PACRG: variants seen among roughly 807,000 people sequenced by gnomAD.
PACRG encodes parkin coregulated gene protein.
PACRG carries 29 observed loss-of-function variants against 29.7 expected under a neutral mutation model. That is an observed-to-expected ratio of 0.98 (90% CI 0.73 to 1.33). The LOEUF (loss-of-function observed/expected upper bound fraction) is 1.33. PACRG is among the 40% of genes most tolerant of loss of function. The pLI is 0.00. For synonymous variants in PACRG, 116 were observed against 118.7 expected, an observed-to-expected ratio of 0.98 and a Z score of 0.15; for missense variants, 279 against 316.2, an observed-to-expected ratio of 0.88 and a Z score of 0.89.
At chr6:162,814,117 C>T in intron 1 of PACRG, 30 bp from the exon 2 acceptor site, 1 of 1,589,538 alleles carries the variant, frequency 6.3e-7, no homozygotes, top group Non-Finnish European at 8.5e-7. Flanking sequence ...GTCTTAAAAC[C>T]TGATCCCTAT....
At chr6:163,074,410 G>A (rs1410283823) in intron 3 of PACRG, among the ~76,000 whole-genome samples, 3 of 152,122 alleles carry the variant, frequency 2.0e-5, no homozygotes, top group Non-Finnish European at 4.4e-5. Context: ...GTAGAAGGAT[G>A]GTTACCAGAT....
intron 4 of PACRG, among the ~76,000 whole-genome samples, chr6:163,304,682 G>A (rs1785130105): frequency 6.6e-6 from 1 of 152,208 alleles, no homozygotes; most frequent in African/African-American, 2.4e-5. Context: ...TTACCAGGAG[G>A]AAGAGGAGAG....
intron 1 of PACRG, among the ~76,000 whole-genome samples, chr6:162,800,810 A>T (rs1785789813): frequency 6.6e-6 from 1 of 152,154 alleles, no homozygotes; most frequent in Non-Finnish European, 1.5e-5. Context: ...TTTCCCTGCC[A>T]GCCCTTGTTG....
chr6:163,311,408 C>A (rs566165935), intron 4 of PACRG, among the ~76,000 whole-genome samples: 1 of 152,142 alleles, frequency 6.6e-6, no homozygotes, highest in African/African-American at 2.4e-5. Context: ...TTGTAAATAA[C>A]CATTTGGGTT....
At position 163,308,665 on chromosome 6, in the gene PACRG, C is replaced by CAAAA. The variant is rs34275762; in HGVS notation, c.614-6151_614-6148dup. 2.4e-3 allele frequency among the ~76,000 whole-genome samples: 318 copies of CAAAA among 131,442 alleles called. 3 individuals are homozygous for CAAAA. The highest frequency in any genetic ancestry group is 8.1e-3 in the African/African-American group (307 of 37,834). The allele number at this position is 131,442 out of a possible 152,430, so 86.2% of individuals were successfully genotyped here. ...TGGACCACAGAGTGAGGCTCCGTCT[C>CAAAA]AAAAAAAAAAAAAAGGAAAATTTAT... is the stretch of plus-strand genomic sequence containing the variant. On this transcript the variant is annotated intron_variant, in intron 4 of 4. Coordinates refer to ENST00000366888, the MANE Select transcript of PACRG (RefSeq NM_001080379.2).
chr6:162,838,743 TC>T (rs1384281517), intron 2 of PACRG, among the ~76,000 whole-genome samples: 1 of 67,280 alleles, frequency 1.5e-5, no homozygotes, highest in Admixed American at 2.3e-4. Context: ...CCCTCCCCCC[TC>T]CCCCCACCCC....
In PACRG at chr6:163,134,890, G is replaced by C. The variant is rs117896618; in HGVS notation, c.613+45482G>C. On this transcript the variant is annotated intron_variant, in intron 4 of 4. Transcript: ENST00000366888. ...CACATTTGCTTCACAAGATTCTTAA[G>C]GGGAAAAAAACATTTCGAATAACAC... 6.2e-3 allele frequency among the ~76,000 whole-genome samples: 943 copies of C among 152,110 alleles called. 5 individuals carry two copies. Among genetic ancestry groups the C allele is most frequent in the Non-Finnish European group, 0.011 (746 of 68,010 alleles).
intron 2 of PACRG, among the ~76,000 whole-genome samples, chr6:162,927,830 CA>C (rs1051156222): frequency 6.6e-6 from 1 of 151,770 alleles, no homozygotes; most frequent in South Asian, 2.1e-4. Context: ...AACAAACAAA[CA>C]AAAAAATGAA....
chr6:163,046,077 TG>T (rs934419006), intron 2 of PACRG, among the ~76,000 whole-genome samples: 131 of 152,116 alleles, frequency 8.6e-4, no homozygotes, highest in African/African-American at 3.1e-3. Context: ...GGCTCCCTCC[TG>T]GCTCCCTGAT....
At chr6:163,281,357 C>T (rs1784221390) in intron 4 of PACRG, among the ~76,000 whole-genome samples, 1 of 152,162 alleles carries the variant, frequency 6.6e-6, no homozygotes, top group Admixed American at 6.5e-5. Context: ...TGAGACTTTG[C>T]CTCAGCACAG....
At chr6:162,791,783 G>A (rs1008109939) in intron 1 of PACRG, among the ~76,000 whole-genome samples, 1 of 152,172 alleles carries the variant, frequency 6.6e-6, no homozygotes, top group Admixed American at 6.5e-5. Context: ...AGAAGGTAAT[G>A]TGTAGTTTTA....
At chr6:163,127,838 C>G (rs75271594) in intron 4 of PACRG, among the ~76,000 whole-genome samples, 14,204 of 152,232 alleles carry the variant, frequency 0.093, 750 homozygotes, top group African/African-American at 0.13. Flanking sequence ...TGACAGCCTG[C>G]TGATTATTTA....
intron 4 of PACRG, among the ~76,000 whole-genome samples, chr6:163,188,072 A>G (rs1440772257): frequency 2.0e-5 from 3 of 152,176 alleles, no homozygotes; most frequent in Admixed American, 6.6e-5. Context: ...TTGTTGAGCT[A>G]TGTTGGAGTT....
Position 163,117,005 on chromosome 6 carries a change from C to T in PACRG, c.613+27597C>T, listed in dbSNP as rs542927870. On this transcript the variant is annotated intron_variant, in intron 4 of 4. Coordinates refer to ENST00000366888, the MANE Select transcript of PACRG (RefSeq NM_001080379.2). The stretch of plus-strand genomic sequence containing the variant: ...TGTCCCGTGGCCAGCATCATTTCTC[C>T]ACTCCCTGTCACCCTCGGAGGAAGA... 4.6e-5 allele frequency among the ~76,000 whole-genome samples: 7 copies of T among 152,304 alleles called. No individual in the cohort carries two copies. In the South Asian group the frequency reaches 1.5e-3, roughly 32 times the overall value.
At chr6:163,239,095 G>A (rs149675493) in intron 4 of PACRG, among the ~76,000 whole-genome samples, 32 of 152,260 alleles carry the variant, frequency 2.1e-4, no homozygotes, top group African/African-American at 5.5e-4. Flanking sequence ...CCATCACCTC[G>A]ATAAATTACT....
chr6:163,192,991 G>A (rs896779565), intron 4 of PACRG, among the ~76,000 whole-genome samples: 8 of 152,214 alleles, frequency 5.3e-5, no homozygotes, highest in Non-Finnish European at 1.0e-4. Flanking sequence ...CAAAGTCTGT[G>A]AGAGATAAAA....
chr6:163,254,763 C>A (rs1463475468), intron 4 of PACRG, among the ~76,000 whole-genome samples: 1 of 152,206 alleles, frequency 6.6e-6, no homozygotes, highest in Non-Finnish European at 1.5e-5. Flanking sequence ...TCACTCCCTT[C>A]TCTCGTCCAC....
At chr6:163,113,928 A>C (rs915557768) in intron 4 of PACRG, among the ~76,000 whole-genome samples, 1 of 152,236 alleles carries the variant, frequency 6.6e-6, no homozygotes, top group African/African-American at 2.4e-5. Context: ...TGCATAAAAA[A>C]TACAAGTTCA....
At chr6:163,226,477 G>C (rs1781804216) in intron 4 of PACRG, among the ~76,000 whole-genome samples, 1 of 152,190 alleles carries the variant, frequency 6.6e-6, no homozygotes, top group Admixed American at 6.5e-5. Context: ...AATGTATATA[G>C]TTTTTATTTG....
Sources: allele counts gnomAD v4.1 joint callset (sites outside exome capture counted in the v4.1 genomes callset), GRCh38; gene constraint gnomAD v4.1.1; transcripts MANE v1.5; gene names NCBI Gene and HGNC (gene_info 2026-07-23, HGNC 2026-07-21).